CORIN: variants seen among roughly 807,000 people sequenced by gnomAD.
The protein encoded by CORIN is corin, serine peptidase, also known as atrial natriuretic peptide-converting enzyme.
A neutral mutation model predicts 125.3 loss-of-function variants in CORIN; 117 were observed. That is an observed-to-expected ratio of 0.93 (90% confidence interval 0.80 to 1.09). The LOEUF (loss-of-function observed/expected upper bound fraction) is 1.09, where lower values mean the gene tolerates loss of function less well. Ranked by LOEUF, CORIN falls within the 50% of genes least tolerant of loss-of-function variation. The pLI is 0.00. For missense variants in CORIN, 1,253 were observed against 1,306.7 expected, an observed-to-expected ratio of 0.96 and a Z score of 0.63; for synonymous variants, 450 against 466.4, an observed-to-expected ratio of 0.96 and a Z score of 0.45.
chr4:47,665,178 A>AG lies in CORIN; in HGVS notation c.1442dup (p.Gln482SerfsTer23). ...CCCAGCTGATGGATGCTTCCTTTTG[A>AG]GTCCTGTGGCCAAAATAATTTGGAT... On this transcript the variant is annotated frameshift_variant, in exon 11 of 22. Coordinates refer to ENST00000273857, the MANE Select transcript of CORIN (RefSeq NM_006587.4). LOFTEE classifies it high-confidence loss of function. The AG allele has an allele frequency of 6.2e-7, 1 of 1,614,036 alleles. No individual in the cohort carries two copies. Among genetic ancestry groups the AG allele is most frequent in the Non-Finnish European group, 8.5e-7 (1 of 1,179,916 alleles).
chr4:47,722,786 T>C (rs1279955626), intron 5 of CORIN, among the ~76,000 whole-genome samples: 1 of 151,992 alleles, frequency 6.6e-6, no homozygotes, highest in African/African-American at 2.4e-5. Flanking sequence ...CCACCTTACC[T>C]CCCCCTGTGA....
At chr4:47,744,369 CT>C in intron 5 of CORIN, 32 bp downstream of exon 5, 1 of 1,590,394 alleles carries the variant, frequency 6.3e-7, no homozygotes, top group South Asian at 1.1e-5. Context: ...CAAATAAAAT[CT>C]TCTAAAAATG....
At position 47,752,335 on chromosome 4, in the gene CORIN, T is replaced by C. The variant is rs116665616; in HGVS notation, c.618-7752A>G. Among the ~76,000 whole-genome samples the C allele has an allele frequency of 6.0e-3, 912 of 152,334 alleles. 8 individuals are homozygous for C. The highest frequency in any genetic ancestry group is 0.02 in the African/African-American group (851 of 41,584). On this transcript the variant is annotated intron_variant, in intron 4 of 21. Transcript: ENST00000273857. ...GTGAAGCCAGGGATATTTGTTTATTTCATCTGCAGCTCTATCCCTCCTGTG... is the reference window on the plus strand; with the variant it reads ...GTGAAGCCAGGGATATTTGTTTATTCCATCTGCAGCTCTATCCCTCCTGTG...
At position 47,641,994 on chromosome 4, in the gene CORIN, G is replaced by T. The variant is rs1184872741; in HGVS notation, c.2124C>A (p.Ala708=). The T allele has an allele frequency of 6.2e-7, 1 of 1,613,416 alleles. No individual in the cohort carries two copies. Among genetic ancestry groups the T allele is most frequent in the Non-Finnish European group, 8.5e-7 (1 of 1,179,652 alleles). ...SSSFLMVHRA[A]TEHHVCADGW... The stretch of plus-strand genomic sequence containing the variant: ...CATCTGCACACACATGGTGTTCTGT[G>T]GCAGCTCTGTGAACCATCAGAAAGG... The change falls in exon 16 of 22, where the codon GCC becomes GCA. Residue 708 remains alanine (A), a synonymous_variant. Transcript: ENST00000273857.
intron 1 of CORIN, among the ~76,000 whole-genome samples, chr4:47,821,421 A>G (rs2109975743): frequency 6.6e-6 from 1 of 151,030 alleles, no homozygotes; most frequent in East Asian, 1.9e-4. Context: ...TAATCAAATA[A>G]TTTACCTTCC....
chr4:47,623,771 T>C, intron 18 of CORIN, 26 bp from the exon 19 acceptor site: 1 of 1,609,776 alleles, frequency 6.2e-7, no homozygotes, highest in South Asian at 1.1e-5. Context: ...AGACACAGTT[T>C]GTGAGTTGAT....
chr4:47,679,570 T>C, intron 8 of CORIN: 1 of 152,528 alleles, frequency 6.6e-6, no homozygotes, highest in Non-Finnish European at 1.5e-5. Context: ...CAGGCTGGTC[T>C]CAAACTCCTG....
intron 2 of CORIN, among the ~76,000 whole-genome samples, chr4:47,805,017 T>C (rs1381817276): frequency 6.6e-6 from 1 of 151,022 alleles, no homozygotes; most frequent in Non-Finnish European, 1.5e-5. Flanking sequence ...GCGCCTGTAG[T>C]CCCAGCTACT....
At chr4:47,756,303 A>G (rs1232261217) in intron 4 of CORIN, among the ~76,000 whole-genome samples, 1 of 152,204 alleles carries the variant, frequency 6.6e-6, no homozygotes, top group Non-Finnish European at 1.5e-5. Context: ...TAGAGAAGCA[A>G]AAAGGGCTTC....
chr4:47,635,593 A>G (rs1722989651), intron 16 of CORIN, among the ~76,000 whole-genome samples: 2 of 152,190 alleles, frequency 1.3e-5, no homozygotes, highest in Admixed American at 1.3e-4. Context: ...GGAGAATACT[A>G]GGATATGTAT....
At chr4:47,647,511 AAATAATAAT>A (rs201407535) in intron 13 of CORIN, among the ~76,000 whole-genome samples, 2 of 151,952 alleles carry the variant, frequency 1.3e-5, no homozygotes, top group Non-Finnish European at 2.9e-5. Context: ...GCATCCTCAC[AAATAATAAT>A]AATAATAATG....
intron 10 of CORIN, among the ~76,000 whole-genome samples, chr4:47,665,934 C>G: frequency 6.6e-6 from 1 of 152,140 alleles, no homozygotes; most frequent in Non-Finnish European, 1.5e-5. Context: ...CTTATGACAC[C>G]AGATATTTTA....
intron 12 of CORIN, among the ~76,000 whole-genome samples, chr4:47,660,761 A>G (rs1171112454): frequency 6.6e-6 from 1 of 152,242 alleles, no homozygotes; most frequent in Non-Finnish European, 1.5e-5. Context: ...TAGGGAGAAC[A>G]ATTTAGAGGC....
Position 47,745,521 on chromosome 4 carries a change from C to T in CORIN, c.618-938G>A, listed in dbSNP as rs141731507. The stretch of plus-strand genomic sequence containing the variant: ...ATATGTAACAAACCTTAAACAATAC[C>T]TTATTCAAATCCTTCAAATGAGATA... On this transcript the variant is annotated intron_variant, in intron 4 of 21. Coordinates refer to ENST00000273857, the MANE Select transcript of CORIN (RefSeq NM_006587.4). Among the ~76,000 whole-genome samples the T allele has an allele frequency of 1.8e-3, 273 of 152,306 alleles. 2 individuals carry two copies. Among genetic ancestry groups the T allele is most frequent in the African/African-American group, 5.9e-3 (247 of 41,568 alleles).
At chr4:47,604,672 C>T (rs1479391777) in intron 19 of CORIN, among the ~76,000 whole-genome samples, 1 of 152,146 alleles carries the variant, frequency 6.6e-6, no homozygotes, top group Non-Finnish European at 1.5e-5. Context: ...TCAAATATAT[C>T]CCACATCTTA....
At chr4:47,755,709 G>C (rs1729104470) in intron 4 of CORIN, among the ~76,000 whole-genome samples, 1 of 152,118 alleles carries the variant, frequency 6.6e-6, no homozygotes, top group African/African-American at 2.4e-5. Context: ...ATTTTAAAAA[G>C]GGAAGCTCAG....
At chr4:47,675,067 G>A (rs1724953367) in intron 9 of CORIN, among the ~76,000 whole-genome samples, 1 of 152,182 alleles carries the variant, frequency 6.6e-6, no homozygotes, top group Admixed American at 6.5e-5. Context: ...TAGCTGTGAT[G>A]ACTTGAGAAC....
rs1444806979 is a variant in CORIN, at chr4:47,715,609, G to A, written c.800-22526C>T. On this transcript the variant is annotated intron_variant, in intron 5 of 21. Coordinates refer to ENST00000273857, the MANE Select transcript of CORIN (RefSeq NM_006587.4). ...GCAAGACTCTGTCTCCAAAAAAAAA[G>A]GGGGGGAGCATGATATTGGAACCAG... Among the ~76,000 whole-genome samples, 8 of 151,962 alleles carry A rather than the reference G, an allele frequency of 5.3e-5. No individual in the cohort carries two copies. The South Asian group carries it at 1.7e-3, about 32-fold the overall frequency.
chr4:47,677,895 A>C, intron 9 of CORIN, 43 bp downstream of exon 9: 1 of 1,331,588 alleles, frequency 7.5e-7, no homozygotes, highest in Non-Finnish European at 1.1e-6. Flanking sequence ...CAAGGAGAGG[A>C]CCACCAGTAA....
Sources: allele counts gnomAD v4.1 joint callset (sites outside exome capture counted in the v4.1 genomes callset), GRCh38; gene constraint gnomAD v4.1.1; transcripts MANE v1.5; gene names NCBI Gene and HGNC (gene_info 2026-07-23, HGNC 2026-07-21).